CDH18: variants seen among roughly 807,000 people sequenced by gnomAD.
CDH18 encodes cadherin-18.
In CDH18, 31 loss-of-function variants were observed where a neutral mutation model predicts 67.9. The observed-to-expected ratio is 0.46, with a 90% CI of 0.34 to 0.62. CDH18 has a LOEUF of 0.62. CDH18 is among the 20% of genes least tolerant of loss of function. The pLI is 0.01. For missense variants in CDH18, 890 were observed against 975.5 expected (o/e 0.91, Z 1.17); for synonymous variants, 362 against 347.2 (o/e 1.04, Z -0.48).
intron 2 of CDH18, among the ~76,000 whole-genome samples, chr5:20,144,169 C>T (rs1039809799): frequency 6.6e-6 from 1 of 151,906 alleles, no homozygotes; most frequent in Non-Finnish European, 1.5e-5. Context: ...AGGGCCACCT[C>T]TTTGAGGTTC....
In CDH18 at chr5:19,471,545, C is replaced by T. The variant is rs772019005; in HGVS notation, c.*1681G>A. ...GAAAAACTCCGGTGTCAACTAATTC[C>T]TATTTCATGTATTTAAGAATTTCAA... On this transcript the variant is annotated 3_prime_UTR_variant, in exon 13 of 13. Coordinates refer to ENST00000382275, the MANE Select transcript of CDH18 (RefSeq NM_004934.5). Among the ~76,000 whole-genome samples the T allele has an allele frequency of 2.0e-5, 3 of 151,890 alleles. No individual in the cohort carries two copies. Among genetic ancestry groups the T allele is most frequent in the Non-Finnish European group, 4.4e-5 (3 of 67,970 alleles).
At chr5:19,493,421 G>T (rs1193717792) in intron 11 of CDH18, among the ~76,000 whole-genome samples, 1 of 152,068 alleles carries the variant, frequency 6.6e-6, no homozygotes, top group African/African-American at 2.4e-5. Context: ...CTCTTAAGAA[G>T]AAAGGCGTTC....
At chr5:20,574,841 G>A (rs533301317) in intron 1 of CDH18, among the ~76,000 whole-genome samples, 5 of 152,202 alleles carry the variant, frequency 3.3e-5, no homozygotes, top group African/African-American at 9.6e-5. Context: ...CATCTCCAGA[G>A]TCACATTTCT....
intron 2 of CDH18, among the ~76,000 whole-genome samples, chr5:20,021,657 T>C (rs1048832775): frequency 7.2e-5 from 11 of 152,186 alleles, no homozygotes; most frequent in African/African-American, 2.7e-4. Context: ...TTTCCTGCTT[T>C]CCCTTCACCT....
intron 2 of CDH18, among the ~76,000 whole-genome samples, chr5:19,993,701 C>G (rs1800109547): frequency 6.6e-6 from 1 of 151,950 alleles, no homozygotes; most frequent in Non-Finnish European, 1.5e-5. Flanking sequence ...TGTACACACA[C>G]ATATACACGC....
intron 2 of CDH18, among the ~76,000 whole-genome samples, chr5:19,893,174 T>C (rs1788958536): frequency 6.6e-6 from 1 of 152,128 alleles, no homozygotes; most frequent in African/African-American, 2.4e-5. Flanking sequence ...GGAGGTGAGT[T>C]ATGGATATCC....
At chr5:20,511,310 T>G (rs770251852) in intron 1 of CDH18, among the ~76,000 whole-genome samples, 9 of 152,104 alleles carry the variant, frequency 5.9e-5, no homozygotes, top group Non-Finnish European at 1.2e-4. Flanking sequence ...AATCCATAAG[T>G]GGACAAATAT....
At chr5:19,819,499 T>C (rs1311060490) in intron 3 of CDH18, among the ~76,000 whole-genome samples, 1 of 152,128 alleles carries the variant, frequency 6.6e-6, no homozygotes, top group African/African-American at 2.4e-5. Context: ...GAAGCCTATA[T>C]GGAGTCTCCA....
At chr5:20,539,915 C>T (rs1312738472) in intron 1 of CDH18, among the ~76,000 whole-genome samples, 1 of 152,086 alleles carries the variant, frequency 6.6e-6, no homozygotes, top group Admixed American at 6.6e-5. Flanking sequence ...TTATTTAAGC[C>T]TTAGTTTACT....
At chr5:20,031,986 G>T (rs938611788) in intron 2 of CDH18, among the ~76,000 whole-genome samples, 11 of 151,964 alleles carry the variant, frequency 7.2e-5, no homozygotes, top group African/African-American at 2.7e-4. Flanking sequence ...GGTATTGAGA[G>T]CCAGATTGAA....
At chr5:20,513,750 T>A (rs1186374715) in intron 1 of CDH18, among the ~76,000 whole-genome samples, 1 of 149,094 alleles carries the variant, frequency 6.7e-6, no homozygotes, top group East Asian at 2.0e-4. Flanking sequence ...GTCCTTTTAT[T>A]TTTCCCCTTT....
chr5:19,926,710 G>C (rs1184486649), intron 2 of CDH18, among the ~76,000 whole-genome samples: 1 of 151,898 alleles, frequency 6.6e-6, no homozygotes, highest in Non-Finnish European at 1.5e-5. Context: ...AAATGATTTG[G>C]TAAGGCATGA....
intron 2 of CDH18, among the ~76,000 whole-genome samples, chr5:20,107,817 A>G (rs577819791): frequency 6.6e-6 from 1 of 151,878 alleles, no homozygotes; most frequent in South Asian, 2.1e-4. Flanking sequence ...CACAATGTGC[A>G]GGTTTGTTAC....
chr5:20,078,179 T>C (rs115098851), intron 2 of CDH18, among the ~76,000 whole-genome samples: 5,350 of 152,266 alleles, frequency 0.035, 315 homozygotes, highest in African/African-American at 0.12. Context: ...TGTTCACTTA[T>C]GGCCGGGTGT....
In CDH18 at chr5:19,860,569, T is replaced by C. The variant is rs181377133; in HGVS notation, c.-256-21327A>G. ...TCTGACTTGTCCCTCAAATATATAA[T>C]ATACTTTAAGGTACATAGTATATTT... On this transcript the variant is annotated intron_variant, in intron 2 of 12. Coordinates refer to ENST00000382275, the MANE Select transcript of CDH18 (RefSeq NM_004934.5). 9.4e-4 allele frequency among the ~76,000 whole-genome samples: 143 copies of C among 151,992 alleles called. 1 individual carries two copies. The highest frequency in any genetic ancestry group is 1.2e-4 in the Non-Finnish European group (8 of 67,934).
At chr5:20,121,295 T>G (rs186658649) in intron 2 of CDH18, among the ~76,000 whole-genome samples, 23 of 152,304 alleles carry the variant, frequency 1.5e-4, no homozygotes, top group Middle Eastern at 3.4e-3. Flanking sequence ...TCTAAAGAAT[T>G]TCCAAGTCAT....
chr5:20,228,936 C>A (rs553305404), intron 2 of CDH18, among the ~76,000 whole-genome samples: 2 of 152,158 alleles, frequency 1.3e-5, no homozygotes, highest in South Asian at 4.1e-4. Flanking sequence ...TAGTCACAGG[C>A]TCTGATGTAG....
intron 1 of CDH18, among the ~76,000 whole-genome samples, chr5:20,437,173 A>T (rs1374088877): frequency 6.6e-6 from 1 of 151,340 alleles, no homozygotes; most frequent in Non-Finnish European, 1.5e-5. Flanking sequence ...AATGTTAAAT[A>T]TTCATTGTAT....
intron 1 of CDH18, among the ~76,000 whole-genome samples, chr5:20,364,689 T>G (rs1429785371): frequency 6.6e-6 from 1 of 152,216 alleles, no homozygotes; most frequent in Non-Finnish European, 1.5e-5. Flanking sequence ...CTACAATGAT[T>G]AGTGCTCCCC....
Sources: gnomAD v4.1 joint callset for allele counts (sites outside exome capture counted in the v4.1 genomes callset) on GRCh38, gnomAD v4.1.1 for gene constraint, MANE v1.5 for transcripts, NCBI Gene and HGNC (gene_info 2026-07-23, HGNC 2026-07-21) for gene names.